UBAP2: variants seen among roughly 807,000 people sequenced by gnomAD.
UBAP2 encodes the protein ubiquitin-associated protein 2.
A neutral mutation model predicts 139.6 loss-of-function variants in UBAP2; 75 were observed. That is an observed-to-expected ratio of 0.54 (90% CI 0.45 to 0.65). The LOEUF is 0.65. Ranked by LOEUF, UBAP2 falls within the 30% of genes least tolerant of loss-of-function variation. UBAP2 has a pLI of 0.00. For synonymous variants in UBAP2, 526 were observed against 526.2 expected (o/e 1.00, Z 0.01); for missense variants, 1,368 against 1,369.6 (o/e 1.00, Z 0.02).
intron 13 of UBAP2, among the ~76,000 whole-genome samples, chr9:33,945,178 GAT>G (rs10537006): frequency 0.31 from 45,982 of 149,146 alleles, 7,410 homozygotes; most frequent in South Asian, 0.43. Flanking sequence ...TGGACTAATT[GAT>G]ATATATATAT....
At chr9:33,984,760 C>A (rs1344223574) in intron 6 of UBAP2, among the ~76,000 whole-genome samples, 2 of 151,842 alleles carry the variant, frequency 1.3e-5, no homozygotes, top group African/African-American at 4.8e-5. Context: ...ATGCTCATCA[C>A]TAAACATCAA....
intron 2 of UBAP2, among the ~76,000 whole-genome samples, chr9:33,999,902 G>A (rs1041094370): frequency 4.3e-4 from 43 of 99,970 alleles, no homozygotes; most frequent in Admixed American, 1.2e-3. Flanking sequence ...ATGTATGTAT[G>A]TATGTTATTT....
At chr9:34,000,524 A>C (rs892369033) in intron 2 of UBAP2, among the ~76,000 whole-genome samples, 6 of 152,218 alleles carry the variant, frequency 3.9e-5, no homozygotes, top group African/African-American at 7.2e-5. Context: ...TCATCTCTGT[A>C]CAACGGTCTA....
intron 2 of UBAP2, among the ~76,000 whole-genome samples, chr9:34,007,372 A>C (rs1823310436): frequency 6.6e-6 from 1 of 151,840 alleles, no homozygotes; most frequent in Admixed American, 6.6e-5. Flanking sequence ...AGTGCACACC[A>C]TTAGTCCCAG....
chr9:33,975,607 G>A (rs1291812365), intron 6 of UBAP2, among the ~76,000 whole-genome samples: 1 of 149,978 alleles, frequency 6.7e-6, no homozygotes, highest in African/African-American at 2.5e-5. Flanking sequence ...GACCATCCTG[G>A]CTAACACGGT....
At chr9:34,033,477 G>A (rs1826057387) in intron 1 of UBAP2, among the ~76,000 whole-genome samples, 1 of 152,056 alleles carries the variant, frequency 6.6e-6, no homozygotes, top group African/African-American at 2.4e-5. Flanking sequence ...AAGGGTAGTG[G>A]GGGACTTGGG....
At position 34,035,512 on chromosome 9, in the gene UBAP2, A is replaced by AT. The variant is rs1554692765; in HGVS notation, c.-42+13312_-42+13313insA. Among the ~76,000 whole-genome samples, 19 of 3,802 alleles carry AT rather than the reference A, an allele frequency of 5.0e-3. 1 individual carries two copies. Among genetic ancestry groups the AT allele is most frequent in the African/African-American group, 6.9e-3 (16 of 2,310 alleles). The allele number at this position is 3,802 out of a possible 152,430, so 2.5% of individuals were successfully genotyped here. A position where few individuals can be genotyped will look rare whatever the true frequency, so the allele number is the denominator to read the frequency against. ...GCGAGACTCCATCTAAAAAAAAAAA[A>AT]AAATATATATATATAAAGATTAGCC... On this transcript the variant is annotated intron_variant, in intron 1 of 28. Transcript: ENST00000379238.
At position 33,960,267 on chromosome 9, in the gene UBAP2, A is replaced by G. The variant is rs191581686; in HGVS notation, c.798+559T>C. Among the ~76,000 whole-genome samples, 35 of 151,942 alleles carry G rather than the reference A, an allele frequency of 2.3e-4. No individual in the cohort carries two copies. In the East Asian group the frequency reaches 4.6e-3, roughly 20 times the overall value. ...CTTTTTTCTTGTTTGTTTTTTTCCA[A>G]TCTCCCAATCATCTTGACAATTGGT... On this transcript the variant is annotated intron_variant, in intron 10 of 28. Transcript: ENST00000379238.
chr9:33,991,699 C>T (rs1354839374), intron 4 of UBAP2, among the ~76,000 whole-genome samples: 3 of 152,170 alleles, frequency 2.0e-5, no homozygotes, highest in Non-Finnish European at 2.9e-5. Context: ...AATGCCCACA[C>T]TGAACAAACT....
intron 10 of UBAP2, among the ~76,000 whole-genome samples, chr9:33,957,429 C>T (rs1428846635): frequency 6.6e-6 from 1 of 152,156 alleles, no homozygotes; most frequent in Non-Finnish European, 1.5e-5. Flanking sequence ...TGTCTGCATC[C>T]CCAGGCAACC....
chr9:34,004,320 C>CA (rs1037031337), intron 2 of UBAP2, among the ~76,000 whole-genome samples: 7 of 151,972 alleles, frequency 4.6e-5, no homozygotes, highest in South Asian at 4.2e-4. Flanking sequence ...CTCATTTCTA[C>CA]AAAAAAACAG....
chr9:33,996,940 G>A (rs934152080), intron 3 of UBAP2: 1 of 152,222 alleles, frequency 6.6e-6, no homozygotes, highest in Non-Finnish European at 1.5e-5. Flanking sequence ...CGTAGTGGTA[G>A]GAGGATTGCT....
Position 33,923,472 on chromosome 9 carries a change from G to C in UBAP2, c.2803C>G (p.Pro935Ala). The C allele has an allele frequency of 6.2e-7, 1 of 1,614,156 alleles. No homozygotes were observed. The highest frequency in any genetic ancestry group is 8.5e-7 in the Non-Finnish European group (1 of 1,180,020). The change falls in exon 25 of 29, where the codon CCA (proline) becomes GCA (alanine). Residue 935 changes from proline (P) to alanine (A), a missense_variant. By Grantham distance (27) the Pro-to-Ala change is conservative (BLOSUM62 -1). Coordinates refer to ENST00000379238, the MANE Select transcript of UBAP2 (RefSeq NM_001370062.2). ...ACCCCATGTTGCTTGGCTGAGGCTG[G>C]AGGGACCTGGGGGGGCAAGCAGATG... The part of the protein sequence containing the change: ...FQYGPTMFVP[P>A]ASAKQHGVNL...
At chr9:33,937,578 C>A (rs1028955272) in intron 16 of UBAP2, among the ~76,000 whole-genome samples, 1 of 122,262 alleles carries the variant, frequency 8.2e-6, no homozygotes, top group African/African-American at 3.3e-5. Flanking sequence ...CTGCACTGGG[C>A]GATAGAGCCA....
At chr9:34,029,354 C>T (rs1489861405) in intron 1 of UBAP2, among the ~76,000 whole-genome samples, 1 of 151,694 alleles carries the variant, frequency 6.6e-6, no homozygotes, top group Non-Finnish European at 1.5e-5. Context: ...ATGGTGAAAC[C>T]TTGTCTCTAC....
intron 24 of UBAP2, 113 bp downstream of exon 24, chr9:33,923,682 G>A (rs1823143395): frequency 6.6e-6 from 8 of 1,215,500 alleles, no homozygotes; most frequent in Non-Finnish European, 9.6e-6. Flanking sequence ...TGAAGACCAG[G>A]TAAGACGGAG....
rs751134964 is a variant in UBAP2 at position 33,941,700 on chromosome 9, G to A, written c.1878C>T (p.Ile626=). ...ATGAACTCACAGGGCTTTGGTATGG[G>A]ATCCTGTTATGCACAGAACTCTGGT... ...SYDQSSVHNR[I]PYQSPVSSSE... The change falls in exon 16 of 29, where the codon ATC becomes ATT. Residue 626 remains isoleucine, a synonymous_variant. Coordinates refer to ENST00000379238, the MANE Select transcript of UBAP2 (RefSeq NM_001370062.2). The A allele has an allele frequency of 4.3e-6, 7 of 1,614,034 alleles. No homozygotes were observed. The South Asian group carries it at 4.4e-5, about 10-fold the overall frequency.
intron 6 of UBAP2, among the ~76,000 whole-genome samples, chr9:33,975,490 T>A (rs184330250): frequency 1.6e-3 from 236 of 147,832 alleles, no homozygotes; most frequent in African/African-American, 5.6e-3. Flanking sequence ...CACACCATTG[T>A]GCACTGCTGG....
At chr9:33,985,559 C>A (rs1821132784) in intron 6 of UBAP2, among the ~76,000 whole-genome samples, 1 of 152,078 alleles carries the variant, frequency 6.6e-6, no homozygotes, top group Non-Finnish European at 1.5e-5. Flanking sequence ...ATAAAATAAA[C>A]CAGACACAGA....
Sources: gnomAD v4.1 joint callset for allele counts (sites outside exome capture counted in the v4.1 genomes callset) on GRCh38, gnomAD v4.1.1 for gene constraint, MANE v1.5 for transcripts, NCBI Gene and HGNC (gene_info 2026-07-23, HGNC 2026-07-21) for gene names.